CNTN3: variants seen among roughly 807,000 people sequenced by gnomAD.
CNTN3 encodes the protein contactin-3.
Under a neutral mutation model 119.1 loss-of-function variants are expected in CNTN3, and 60 were observed. The ratio of observed to expected loss-of-function variants is 0.50; its 90% CI spans 0.41 to 0.62. CNTN3 has a LOEUF of 0.62. Ranked by LOEUF, CNTN3 falls within the 20% of genes least tolerant of loss-of-function variation. The pLI, the probability that CNTN3 is intolerant of heterozygous loss-of-function variation, is 0.00. For missense variants in CNTN3, 1,101 were observed against 1,242.4 expected, an observed-to-expected ratio of 0.89 and a Z score of 1.71; for synonymous variants, 450 against 438.7, an observed-to-expected ratio of 1.03 and a Z score of -0.32.
intron 4 of CNTN3, among the ~76,000 whole-genome samples, chr3:74,446,853 T>A (rs546606405): frequency 5.4e-4 from 82 of 152,228 alleles, no homozygotes; most frequent in African/African-American, 1.9e-3. Context: ...GTATAAGTTT[T>A]TTTGAGTCAG....
intron 5 of CNTN3, among the ~76,000 whole-genome samples, chr3:74,385,530 T>C (rs530176294): frequency 2.0e-5 from 3 of 152,210 alleles, no homozygotes; most frequent in African/African-American, 7.2e-5. Context: ...GACCTCTGCA[T>C]TGGAGTCATA....
chr3:74,415,466 CA>C (rs1396119101), intron 5 of CNTN3, among the ~76,000 whole-genome samples: 1 of 152,210 alleles, frequency 6.6e-6, no homozygotes, highest in African/African-American at 2.4e-5. Flanking sequence ...GGACAGCTGT[CA>C]AAAAATAAAG....
chr3:74,342,573 A>G (rs1703573624), intron 11 of CNTN3, among the ~76,000 whole-genome samples: 1 of 152,226 alleles, frequency 6.6e-6, no homozygotes, highest in Non-Finnish European at 1.5e-5. Context: ...GCTCTACTCT[A>G]TAACCTAGGG....
At chr3:74,421,894 G>A (rs565365124) in intron 5 of CNTN3, among the ~76,000 whole-genome samples, 3 of 152,214 alleles carry the variant, frequency 2.0e-5, no homozygotes, top group Non-Finnish European at 1.5e-5. Flanking sequence ...GATACCAGCT[G>A]CTGTGGACAG....
At chr3:74,264,988 T>C (rs1385949626) in intron 22 of CNTN3, among the ~76,000 whole-genome samples, 1 of 152,148 alleles carries the variant, frequency 6.6e-6, no homozygotes, top group Non-Finnish European at 1.5e-5. Context: ...TATTTAACTT[T>C]AATTGAAATG....
At chr3:74,310,902 T>C (rs1436709997) in intron 13 of CNTN3, among the ~76,000 whole-genome samples, 3 of 152,168 alleles carry the variant, frequency 2.0e-5, no homozygotes, top group Non-Finnish European at 2.9e-5. Flanking sequence ...CTTGGGCAGC[T>C]GACCTATATG....
At chr3:74,299,725 T>G (rs1254911353) in intron 17 of CNTN3, 143 bp downstream of exon 17, 2 of 558,206 alleles carry the variant, frequency 3.6e-6, no homozygotes. Flanking sequence ...CCACCTATAT[T>G]ACCACCAGCA....
intron 5 of CNTN3, among the ~76,000 whole-genome samples, chr3:74,413,498 T>G (rs935155639): frequency 6.6e-6 from 1 of 152,178 alleles, no homozygotes; most frequent in Non-Finnish European, 1.5e-5. Context: ...AAATGGGAAA[T>G]GCATGTGCCA....
rs767476261 is a variant in CNTN3 at position 74,298,060 on chromosome 3, T to G, written c.2298A>C (p.Glu766Asp). ...CATATGGTGAATATGGCACGATGCT[T>G]TCATTCCTAAAGACATATCTTGGGG... ...PDTPRYVFRN[E>D]SIVPYSPYEV... Residue 766 changes from glutamate to aspartate, a missense_variant, in exon 18 of 23, where the codon GAA (glutamate) becomes GAC (aspartate). Transcript: ENST00000263665. The G allele has an allele frequency of 5.0e-6, 8 of 1,614,080 alleles. No homozygotes were observed. In the South Asian group the frequency reaches 6.6e-5, roughly 13 times the overall value.
At chr3:74,379,769 AG>A (rs1298909262) in intron 5 of CNTN3, among the ~76,000 whole-genome samples, 5 of 152,212 alleles carry the variant, frequency 3.3e-5, no homozygotes, top group Non-Finnish European at 7.3e-5. Context: ...CACTCAAAAC[AG>A]GATGCCCAGC....
At chr3:74,295,791 A>G (rs528011658) in intron 18 of CNTN3, among the ~76,000 whole-genome samples, 1 of 152,076 alleles carries the variant, frequency 6.6e-6, no homozygotes, top group Non-Finnish European at 1.5e-5. Flanking sequence ...CTTTGTAAAA[A>G]GCACTGTTGA....
At chr3:74,428,855 T>C (rs1028689945) in intron 4 of CNTN3, among the ~76,000 whole-genome samples, 1 of 152,192 alleles carries the variant, frequency 6.6e-6, no homozygotes, top group African/African-American at 2.4e-5. Flanking sequence ...ATCTTTTATA[T>C]TGTACTGTAC....
At position 74,485,034 on chromosome 3, in the gene CNTN3, T is replaced by C. The variant is rs571565961; in HGVS notation, c.358+1422A>G. Among the ~76,000 whole-genome samples the C allele has an allele frequency of 1.8e-4, 27 of 152,300 alleles. 1 individual carries two copies. The highest frequency in any genetic ancestry group is 6.0e-4 in the African/African-American group (25 of 41,578). On this transcript the variant is annotated intron_variant, in intron 4 of 22. Transcript: ENST00000263665. ...GTTGGCAGTAATGCCAGGTAAAACA[T>C]GGATACATCATAGATTTTGCCAAAA... is the stretch of plus-strand genomic sequence containing the variant.
chr3:74,298,683 G>A (rs1702391230), intron 17 of CNTN3, among the ~76,000 whole-genome samples: 1 of 151,512 alleles, frequency 6.6e-6, no homozygotes, highest in African/African-American at 2.4e-5. Context: ...GCCATCACGA[G>A]GTCAGGAGTT....
Position 74,369,299 on chromosome 3 carries a change from C to CA in CNTN3, c.835_836insT (p.Ser279MetfsTer5). The CA allele has an allele frequency of 6.2e-7, 1 of 1,611,176 alleles. No homozygotes were observed. The highest frequency in any genetic ancestry group is 8.5e-7 in the Non-Finnish European group (1 of 1,178,630). ...GAAGTTGGGGATTTCAAGCACACCA[C>CA]TGAACTTCCTTAATTTAATTTTGCT... On this transcript the variant is annotated frameshift_variant, in exon 8 of 23. Coordinates refer to ENST00000263665, the MANE Select transcript of CNTN3 (RefSeq NM_020872.3). LOFTEE classifies it high-confidence loss of function.
At chr3:74,438,742 T>C (rs1701912896) in intron 4 of CNTN3, among the ~76,000 whole-genome samples, 2 of 152,200 alleles carry the variant, frequency 1.3e-5, no homozygotes, top group South Asian at 2.1e-4. Context: ...TGGCTAAATA[T>C]ATTAGTCATT....
At chr3:74,402,235 T>G (rs1705215584) in intron 5 of CNTN3, among the ~76,000 whole-genome samples, 1 of 152,184 alleles carries the variant, frequency 6.6e-6, no homozygotes, top group East Asian at 1.9e-4. Context: ...CTCTCCTCTT[T>G]CCAGTGAAAA....
At chr3:74,551,657 A>AT (rs1703991832) in intron 1 of CNTN3, among the ~76,000 whole-genome samples, 1 of 149,892 alleles carries the variant, frequency 6.7e-6, no homozygotes, top group Non-Finnish European at 1.5e-5. Context: ...CTTGGCAACT[A>AT]TTAATCTTTT....
At chr3:74,419,817 T>C (rs1057453077) in intron 5 of CNTN3, among the ~76,000 whole-genome samples, 7 of 152,206 alleles carry the variant, frequency 4.6e-5, no homozygotes, top group African/African-American at 1.7e-4. Flanking sequence ...TCCTGAGTAA[T>C]TAGTATTTAT....
Sources: gnomAD v4.1 joint callset for allele counts (sites outside exome capture counted in the v4.1 genomes callset) on GRCh38, gnomAD v4.1.1 for gene constraint, MANE v1.5 for transcripts, NCBI Gene and HGNC (gene_info 2026-07-23, HGNC 2026-07-21) for gene names.